DCAF1: variants seen among roughly 807,000 people sequenced by gnomAD.
DCAF1 encodes DDB1 and CUL4 associated factor 1.
DCAF1 carries 15 observed loss-of-function variants against 128.0 expected under a neutral mutation model. The ratio of observed to expected loss-of-function variants is 0.12; its 90% CI spans 0.08 to 0.18. DCAF1 has a LOEUF of 0.18. DCAF1 is among the 10% of genes least tolerant of loss of function. The probability of loss-of-function intolerance (pLI) is 1.00; values close to 1 mark genes in which losing one functional copy is unlikely to be tolerated. For missense variants in DCAF1, 988 were observed against 1,649.5 expected, an observed-to-expected ratio of 0.60 and a Z score of 6.95; for synonymous variants, 610 against 603.0, an observed-to-expected ratio of 1.01 and a Z score of -0.17.
intron 6 of DCAF1, among the ~76,000 whole-genome samples, chr3:51,458,872 C>A (rs1703220085): frequency 6.6e-6 from 1 of 152,120 alleles, no homozygotes; most frequent in Admixed American, 6.5e-5. Context: ...CCAATGAGAA[C>A]AAAGACAAAA....
Position 51,420,574 on chromosome 3 carries a change from C to A in DCAF1, c.2396G>T (p.Arg799Leu). Residue 799 changes from arginine to leucine, a missense_variant, in exon 15 of 25, where the codon CGC becomes CTC. By Grantham distance (102) the Arg-to-Leu change is moderately radical (BLOSUM62 -2). Transcript: ENST00000684031. The surrounding 1 kb of genome is among the most constrained non-coding windows in gnomAD (Gnocchi z 6.5). ...LMKEPVLQDK[R>L]SDHVKFCKYA... Reference sequence around the variant, plus strand: ...CTTGCAGAACTTGACATGGTCACTGCGCTTGTCCTGCAGCACAGGCTCCTT... The same window carrying A: ...CTTGCAGAACTTGACATGGTCACTGAGCTTGTCCTGCAGCACAGGCTCCTT... The A allele has an allele frequency of 2.5e-6, 4 of 1,613,954 alleles. No individual in the cohort carries two copies. Among genetic ancestry groups the A allele is most frequent in the Non-Finnish European group, 3.4e-6 (4 of 1,179,892 alleles).
chr3:51,473,483 T>TC (rs1705027125), intron 3 of DCAF1, among the ~76,000 whole-genome samples: 1 of 71,146 alleles, frequency 1.4e-5, no homozygotes, highest in Non-Finnish European at 2.5e-5. Flanking sequence ...AGAATGAGAC[T>TC]CCATCTCAAA....
At chr3:51,427,337 A>G (rs782610104) in intron 13 of DCAF1, 35 bp downstream of exon 13, 7 of 654,992 alleles carry the variant, frequency 1.1e-5, no homozygotes, top group Non-Finnish European at 1.4e-5. Context: ...AAAAAGATGC[A>G]TCAAACTTCA....
intron 6 of DCAF1, among the ~76,000 whole-genome samples, chr3:51,457,132 T>A (rs1703008578): frequency 6.6e-6 from 1 of 151,956 alleles, no homozygotes; most frequent in African/African-American, 2.4e-5. Context: ...AGGAGGAAAT[T>A]CGAACCAATG....
At chr3:51,446,404 G>A (rs1230956821) in intron 6 of DCAF1, among the ~76,000 whole-genome samples, 1 of 152,106 alleles carries the variant, frequency 6.6e-6, no homozygotes, top group Non-Finnish European at 1.5e-5. Context: ...CTTGAAGTCA[G>A]GTGTTTGAAG....
intron 8 of DCAF1, 138 bp from the exon 9 acceptor site, chr3:51,441,209 CT>C: frequency 8.5e-7 from 1 of 1,175,140 alleles, no homozygotes; most frequent in South Asian, 1.5e-5. Flanking sequence ...TGTAAATGCA[CT>C]TTAATCAAAT....
In DCAF1 at chr3:51,420,534, G is replaced by A. The variant is rs568857340; in HGVS notation, c.2436C>T (p.Leu812=). ...HVKFCKYAAE[L]IERVSGKPLL... is the part of the protein sequence containing the mutation. ...GTGGTTTTCCTGACACCCGTTCAAT[G>A]AGTTCAGCAGCATACTTGCAGAACT... Residue 812 remains leucine, a synonymous_variant, in exon 15 of 25, where the codon CTC becomes CTT. Transcript: ENST00000684031. The surrounding 1 kb of genome is among the most constrained non-coding windows in gnomAD (Gnocchi z 6.5). The A allele has an allele frequency of 1.2e-6, 2 of 1,613,896 alleles. No homozygotes were observed. Among genetic ancestry groups the A allele is most frequent in the South Asian group, 1.1e-5 (1 of 91,080 alleles).
At chr3:51,472,373 G>A (rs185852187) in intron 3 of DCAF1, among the ~76,000 whole-genome samples, 1 of 151,970 alleles carries the variant, frequency 6.6e-6, no homozygotes, top group Admixed American at 6.6e-5. Flanking sequence ...GCCTGATCCA[G>A]AATTTGTTTT....
At position 51,412,413 on chromosome 3, in the gene DCAF1, C is replaced by T; in HGVS notation, c.4178G>A (p.Arg1393His). 2 of 1,613,954 alleles carry T rather than the reference C, an allele frequency of 1.2e-6. No homozygotes were observed. Among genetic ancestry groups the T allele is most frequent in the Non-Finnish European group, 1.7e-6 (2 of 1,179,888 alleles). The change falls in exon 23 of 25, where the codon CGT becomes CAT. Residue 1393 changes from arginine to histidine, a missense_variant. Around this residue, in one of 11 missense-constraint regions of DCAF1, gnomAD observed 85 missense variants for 204.6 expected, o/e 0.42. Transcript: ENST00000684031. ...CTCTTCATCCTCATCCTCTGCCAGA[C>T]GCTGCCTGCCCACTTCATACAGCCT... is the stretch of plus-strand genomic sequence containing the variant. ...VCRLYEVGRQ[R>H]LAEDEDEEED...
intron 2 of DCAF1, among the ~76,000 whole-genome samples, chr3:51,493,445 CA>C (rs1707884232): frequency 6.7e-6 from 1 of 149,776 alleles, no homozygotes; most frequent in Non-Finnish European, 1.5e-5. Flanking sequence ...AACTCCATCT[CA>C]GGGGAAAAAA....
chr3:51,443,642 T>C (rs532473055), intron 7 of DCAF1, 124 bp downstream of exon 7: 1 of 859,724 alleles, frequency 1.2e-6, no homozygotes, highest in African/African-American at 1.8e-5. Context: ...GAAACTAATA[T>C]TGAAATTATA....
chr3:51,483,038 C>T (rs1466781613), intron 3 of DCAF1, among the ~76,000 whole-genome samples: 6 of 149,434 alleles, frequency 4.0e-5, no homozygotes, highest in African/African-American at 1.5e-4. Flanking sequence ...ACTCAGGAGG[C>T]TGAAGCAGGA....
intron 6 of DCAF1, among the ~76,000 whole-genome samples, chr3:51,451,862 C>T (rs1434579741): frequency 6.6e-6 from 1 of 151,100 alleles, no homozygotes; most frequent in East Asian, 1.9e-4. Context: ...CAACTTAGTA[C>T]ACTGAACCAG....
rs1553629037 is a variant in DCAF1, at chr3:51,413,077, G to C, written c.4037-11C>G. The C allele has an allele frequency of 1.2e-6, 2 of 1,613,816 alleles. No individual in the cohort carries two copies. The highest frequency in any genetic ancestry group is 2.2e-5 in the East Asian group (1 of 44,864). On this transcript the variant is annotated splice_polypyrimidine_tract_variant and intron_variant, in intron 21 of 24. Transcript: ENST00000684031. ...TCACATCAATGGTTGCTGGAAAATA[G>C]AATGTGAGAAGATTGGGATTGGACT...
At chr3:51,498,616 A>G (rs1708506117) in intron 1 of DCAF1, among the ~76,000 whole-genome samples, 1 of 152,174 alleles carries the variant, frequency 6.6e-6, no homozygotes, top group Non-Finnish European at 1.5e-5. Flanking sequence ...TATAATAGGC[A>G]GAACAGTAAA....
At chr3:51,460,104 A>G (rs1703377194) in intron 6 of DCAF1, among the ~76,000 whole-genome samples, 1 of 152,194 alleles carries the variant, frequency 6.6e-6, no homozygotes, top group Non-Finnish European at 1.5e-5. Context: ...TTAGGAAAAG[A>G]GGAAGTCAAA....
At chr3:51,462,227 GC>G (rs1479966507) in intron 6 of DCAF1, among the ~76,000 whole-genome samples, 6 of 151,858 alleles carry the variant, frequency 4.0e-5, no homozygotes, top group Non-Finnish European at 7.4e-5. Flanking sequence ...TTTGAGACCA[GC>G]CTGGCCAACA....
intron 9 of DCAF1, among the ~76,000 whole-genome samples, chr3:51,437,727 A>T (rs1553637321): frequency 6.6e-6 from 1 of 151,956 alleles, no homozygotes; most frequent in Non-Finnish European, 1.5e-5. Flanking sequence ...AGGCAGGAGG[A>T]TGGCTTGAGC....
intron 23 of DCAF1, among the ~76,000 whole-genome samples, chr3:51,405,478 G>A (rs1166912770): frequency 1.3e-5 from 2 of 152,086 alleles, no homozygotes; most frequent in African/African-American, 4.8e-5. Context: ...CATCCCAGAA[G>A]GCCACAAACA....
Sources: gnomAD v4.1 joint callset for allele counts (sites outside exome capture counted in the v4.1 genomes callset) on GRCh38, gnomAD v4.1.1 for gene constraint, gnomAD v4.1.1 regional missense constraint, Gnocchi (gnomAD v3.1) non-coding constraint, MANE v1.5 for transcripts, NCBI Gene and HGNC (gene_info 2026-07-23, HGNC 2026-07-21) for gene names.